The following DLGAP2 variants were observed in gnomAD, a reference collection of about 807,000 sequenced individuals.
The protein encoded by DLGAP2 is disks large-associated protein 2.
Under a neutral mutation model 100.3 loss-of-function variants are expected in DLGAP2, and 26 were observed. The observed-to-expected ratio is 0.26, with a 90% confidence interval of 0.19 to 0.36. The LOEUF is 0.36. Among genes scored for constraint, DLGAP2 ranks in the 10% least tolerant of loss-of-function variants. The pLI, the probability that DLGAP2 is intolerant of heterozygous loss-of-function variation, is 1.00. For missense variants in DLGAP2, 1,858 were observed against 1,453.2 expected (o/e 1.28, Z -4.53); for synonymous variants, 886 against 630.1 (o/e 1.41, Z -6.08).
At chr8:885,979 C>G (rs1346547160) in intron 1 of DLGAP2, among the ~76,000 whole-genome samples, 1 of 152,162 alleles carries the variant, frequency 6.6e-6, no homozygotes, top group Non-Finnish European at 1.5e-5. Context: ...GGAATGGTAC[C>G]AGTGCCTGTT....
intron 3 of DLGAP2, among the ~76,000 whole-genome samples, chr8:1,451,860 A>T (rs899777984): frequency 2.6e-5 from 4 of 152,184 alleles, no homozygotes; most frequent in Non-Finnish European, 5.9e-5. Context: ...AATGTACCCA[A>T]ACCATCCTGT....
intron 4 of DLGAP2, among the ~76,000 whole-genome samples, chr8:1,543,907 CT>C (rs544818739): frequency 0.016 from 2,315 of 145,716 alleles, 71 homozygotes; most frequent in African/African-American, 0.054. Flanking sequence ...TCCTTTTTTT[CT>C]TTTTTTTTTT....
intron 6 of DLGAP2, among the ~76,000 whole-genome samples, chr8:1,588,455 T>C (rs887626704): frequency 3.9e-5 from 6 of 152,178 alleles, no homozygotes; most frequent in Non-Finnish European, 8.8e-5. Context: ...GTAAAGACAA[T>C]GTGTTCTATG....
chr8:1,697,833 A>C (rs547921195), intron 14 of DLGAP2, among the ~76,000 whole-genome samples: 1 of 152,292 alleles, frequency 6.6e-6, no homozygotes, highest in African/African-American at 2.4e-5. Flanking sequence ...TCAACCCTTA[A>C]AATAGGCTGA....
chr8:1,604,016 G>A (rs761752614), intron 6 of DLGAP2, among the ~76,000 whole-genome samples: 3 of 152,108 alleles, frequency 2.0e-5, no homozygotes, highest in Non-Finnish European at 4.4e-5. Context: ...CAAGCCAGCT[G>A]CGGCCACACA....
chr8:1,434,060 T>C (rs1024124121), intron 3 of DLGAP2, among the ~76,000 whole-genome samples: 1 of 152,098 alleles, frequency 6.6e-6, no homozygotes, highest in Non-Finnish European at 1.5e-5. Flanking sequence ...GTCCCAGAAA[T>C]GGCGCTGAAT....
chr8:1,550,549 T>G (rs1801729141), intron 5 of DLGAP2, among the ~76,000 whole-genome samples: 1 of 152,118 alleles, frequency 6.6e-6, no homozygotes, highest in African/African-American at 2.4e-5. Context: ...CCTGCGACAT[T>G]CGTGAGTTCA....
chr8:1,555,687 A>G (rs1368449391), intron 5 of DLGAP2, among the ~76,000 whole-genome samples: 1 of 152,232 alleles, frequency 6.6e-6, no homozygotes, highest in Non-Finnish European at 1.5e-5. Flanking sequence ...TCGGTGTGTC[A>G]TCGCTGGGAG....
At chr8:1,502,364 G>T (rs1799753145) in intron 4 of DLGAP2, among the ~76,000 whole-genome samples, 3 of 152,208 alleles carry the variant, frequency 2.0e-5, no homozygotes, top group Admixed American at 6.5e-5. Context: ...TTTGCCTAAA[G>T]AATAATATCG....
At chr8:982,642 G>A (rs1274423432) in intron 2 of DLGAP2, among the ~76,000 whole-genome samples, 2 of 152,172 alleles carry the variant, frequency 1.3e-5, no homozygotes, top group African/African-American at 2.4e-5. Flanking sequence ...TAAAATTCTT[G>A]CAAGAAAAAT....
intron 2 of DLGAP2, among the ~76,000 whole-genome samples, chr8:1,084,592 G>C (rs890707459): frequency 6.6e-6 from 1 of 152,150 alleles, no homozygotes; most frequent in African/African-American, 2.4e-5. Context: ...GCTTTCAGTA[G>C]TTTTAGGCTC....
At chr8:1,454,294 G>A (rs1004301125) in intron 3 of DLGAP2, among the ~76,000 whole-genome samples, 1 of 152,118 alleles carries the variant, frequency 6.6e-6, no homozygotes, top group South Asian at 2.1e-4. Context: ...AGCTTTCCCA[G>A]CTGCTGAACA....
intron 3 of DLGAP2, among the ~76,000 whole-genome samples, chr8:1,314,803 A>G (rs759259425): frequency 1.3e-5 from 2 of 152,222 alleles, no homozygotes; most frequent in Non-Finnish European, 2.9e-5. Context: ...TCACTTGTTC[A>G]TTATGAAGGA....
chr8:1,162,627 C>G (rs1437263341), intron 2 of DLGAP2, among the ~76,000 whole-genome samples: 2 of 152,184 alleles, frequency 1.3e-5, no homozygotes, highest in Non-Finnish European at 2.9e-5. Flanking sequence ...GAAGTTCCAT[C>G]TTAGGGCTTA....
chr8:1,640,027 A>G (rs1797859485), intron 8 of DLGAP2, among the ~76,000 whole-genome samples: 1 of 152,132 alleles, frequency 6.6e-6, no homozygotes, highest in Non-Finnish European at 1.5e-5. Flanking sequence ...ACATTTTTGG[A>G]GGGGCGTTAT....
At chr8:1,057,025 C>G (rs1802902379) in intron 2 of DLGAP2, among the ~76,000 whole-genome samples, 1 of 152,206 alleles carries the variant, frequency 6.6e-6, no homozygotes, top group Non-Finnish European at 1.5e-5. Flanking sequence ...AACTCATGGA[C>G]CCACCAGAAT....
intron 2 of DLGAP2, among the ~76,000 whole-genome samples, chr8:1,186,404 G>A (rs191475458): frequency 1.6e-3 from 240 of 152,338 alleles, no homozygotes; most frequent in Non-Finnish European, 2.4e-3. Context: ...GAAACGGGTG[G>A]GGGACAGTTC....
intron 3 of DLGAP2, among the ~76,000 whole-genome samples, chr8:1,431,867 C>T (rs914834210): frequency 3.9e-5 from 6 of 152,210 alleles, no homozygotes; most frequent in African/African-American, 1.2e-4. Context: ...CCTGCCGGCA[C>T]CCAGCACCCC....
intron 4 of DLGAP2, among the ~76,000 whole-genome samples, chr8:1,528,538 C>G (rs1800872999): frequency 6.6e-6 from 1 of 152,194 alleles, no homozygotes; most frequent in African/African-American, 2.4e-5. Flanking sequence ...TTCTCAGGGC[C>G]CACCCGGGGG....
Sources: gnomAD v4.1 joint callset for allele counts (sites outside exome capture counted in the v4.1 genomes callset) on GRCh38, gnomAD v4.1.1 for gene constraint, MANE v1.5 for transcripts, NCBI Gene and HGNC (gene_info 2026-07-23, HGNC 2026-07-21) for gene names.